The following NIPAL3 variants were observed in gnomAD, a reference collection of about 807,000 sequenced individuals.
NIPAL3 encodes NIPA like domain containing 3.
NIPAL3 carries 41 observed loss-of-function variants against 47.2 expected under a neutral mutation model. That is an observed-to-expected ratio of 0.87 (90% CI 0.68 to 1.13). The LOEUF (loss-of-function observed/expected upper bound fraction) is 1.13. Among genes scored for constraint, NIPAL3 ranks in the 50% most tolerant of loss-of-function variants. NIPAL3 has a pLI of 0.00. For missense variants in NIPAL3, 449 were observed against 530.1 expected (o/e 0.85, Z 1.50); for synonymous variants, 194 against 209.6 (o/e 0.93, Z 0.64).
chr1:24,436,299 G>GT (rs773888855), intron 2 of NIPAL3, among the ~76,000 whole-genome samples: 77 of 147,770 alleles, frequency 5.2e-4, no homozygotes, highest in South Asian at 1.5e-3. Context: ...TGGGGCTTTT[G>GT]TTTTTTTTTT....
chr1:24,438,254 G>A (rs138075061), intron 2 of NIPAL3, among the ~76,000 whole-genome samples: 2,389 of 152,302 alleles, frequency 0.016, 28 homozygotes, highest in Non-Finnish European at 0.023. Flanking sequence ...GCTGCTCATC[G>A]GGTGAGTCAG....
At chr1:24,430,309 G>C (rs1644822862) in intron 2 of NIPAL3, among the ~76,000 whole-genome samples, 1 of 125,096 alleles carries the variant, frequency 8.0e-6, no homozygotes, top group African/African-American at 3.6e-5. Context: ...GGAGTGCAAT[G>C]GCGCGATCTC....
chr1:24,447,243 T>C (rs1350715188), intron 5 of NIPAL3, among the ~76,000 whole-genome samples: 2 of 152,192 alleles, frequency 1.3e-5, no homozygotes, highest in African/African-American at 2.4e-5. Flanking sequence ...TGTATACTGA[T>C]GCCTGCAAAT....
At position 24,454,237 on chromosome 1, in the gene NIPAL3, A is replaced by G. The variant is rs1370356921; in HGVS notation, c.637+733A>G. On this transcript the variant is annotated intron_variant, in intron 7 of 11. Coordinates refer to ENST00000374399, the MANE Select transcript of NIPAL3 (RefSeq NM_020448.5). This position sits in a 1 kb window ranked among gnomAD's most constrained non-coding sequence, Gnocchi z 4.1. ...AGCTAAATAGAGCTGTGGGGAATCC[A>G]TCCTTCCTGAGGAGAAGCAGACAGA... 1 of 1,180,120 alleles carries G rather than the reference A, an allele frequency of 8.5e-7. No homozygotes were observed. The highest frequency in any genetic ancestry group is 1.1e-6 in the Non-Finnish European group (1 of 939,692). The allele number at this position is 1,180,120 out of a possible 1,614,324, so 73.1% of individuals were successfully genotyped here.
At position 24,471,600 on chromosome 1, in the gene NIPAL3, AT is replaced by A. The variant is rs1646907325; in HGVS notation, c.*2416del. 6 of 150,572 alleles carry A rather than the reference AT, an allele frequency of 4.0e-5. No individual in the cohort carries two copies. Among genetic ancestry groups the A allele is most frequent in the Non-Finnish European group, 7.4e-5 (5 of 67,802 alleles). The allele number at this position is 150,572 out of a possible 1,614,324, so 9.3% of individuals were successfully genotyped here. A position where few individuals can be genotyped will look rare whatever the true frequency, so the allele number is the denominator to read the frequency against. On this transcript the variant is annotated 3_prime_UTR_variant, in exon 12 of 12. Coordinates refer to ENST00000374399, the MANE Select transcript of NIPAL3 (RefSeq NM_020448.5). ...GCTCAAAAAAAAAAAAAAAAAAAAG[AT>A]AAGCAGTGGAGGCCGAATCATGGAG...
chr1:24,454,565 G>T lies in NIPAL3; in HGVS notation c.637+1061G>T. Reference sequence around the variant, plus strand: ...CTTAATTTTTTAACAGCTCTGTTGAGATATAATTTACATACCATAAAGTTC... The same window carrying T: ...CTTAATTTTTTAACAGCTCTGTTGATATATAATTTACATACCATAAAGTTC... On this transcript the variant is annotated intron_variant, in intron 7 of 11. Transcript: ENST00000374399. This position sits in a 1 kb window ranked among gnomAD's most constrained non-coding sequence, Gnocchi z 4.1. 1 of 984,384 alleles carries T rather than the reference G, an allele frequency of 1.0e-6. No homozygotes were observed. The highest frequency in any genetic ancestry group is 1.2e-6 in the Non-Finnish European group (1 of 828,376). 61.0% of individuals were successfully genotyped at this position (984,384 alleles called of 1,614,324 possible).
Position 24,437,066 on chromosome 1 carries a change from A to G in NIPAL3, c.94-3106A>G, listed in dbSNP as rs189478858. Among the ~76,000 whole-genome samples the G allele has an allele frequency of 1.8e-3, 278 of 152,136 alleles. 2 individuals are homozygous for G. The highest frequency in any genetic ancestry group is 3.4e-3 in the Middle Eastern group (1 of 294). On this transcript the variant is annotated intron_variant, in intron 2 of 11. Transcript: ENST00000374399. ...GGAGATTGAGACCATCCTGGATAAC[A>G]CGGTGAAACCCACCTCTCTACTAAA...
intron 2 of NIPAL3, among the ~76,000 whole-genome samples, chr1:24,423,020 C>A (rs1398568888): frequency 6.6e-6 from 1 of 152,228 alleles, no homozygotes; most frequent in East Asian, 1.9e-4. Context: ...TCTCCTTGTG[C>A]CCCTGCTAGT....
At chr1:24,450,601 C>T (rs1001011701) in intron 6 of NIPAL3, among the ~76,000 whole-genome samples, 3 of 152,302 alleles carry the variant, frequency 2.0e-5, no homozygotes, top group Admixed American at 6.5e-5. Flanking sequence ...TATGTATCAT[C>T]TCAGATTCTC....
intron 10 of NIPAL3, among the ~76,000 whole-genome samples, chr1:24,461,112 G>C (rs1557533625): frequency 6.6e-6 from 1 of 152,182 alleles, no homozygotes; most frequent in African/African-American, 2.4e-5. Context: ...GAAAACAATA[G>C]AAATGCTCAG....
At chr1:24,457,052 A>T (rs1646247865) in intron 8 of NIPAL3, among the ~76,000 whole-genome samples, 1 of 152,124 alleles carries the variant, frequency 6.6e-6, no homozygotes, top group African/African-American at 2.4e-5. Context: ...ATGAGCCACA[A>T]CACCTGGCCA....
intron 4 of NIPAL3, 83 bp downstream of exon 4, chr1:24,442,309 A>G (rs1645435885): frequency 2.7e-6 from 4 of 1,480,020 alleles, no homozygotes; most frequent in East Asian, 2.3e-5. Context: ...AAAGGTGCCC[A>G]TTGAACAAAC....
At chr1:24,442,776 C>A (rs570264082) in intron 4 of NIPAL3, among the ~76,000 whole-genome samples, 2 of 152,118 alleles carry the variant, frequency 1.3e-5, no homozygotes, top group Non-Finnish European at 2.9e-5. Flanking sequence ...CATGGAGAGA[C>A]CCCATCTCTA....
At chr1:24,442,251 C>T in intron 4 of NIPAL3, 25 bp downstream of exon 4, 2 of 1,606,750 alleles carry the variant, frequency 1.2e-6, no homozygotes, top group Non-Finnish European at 8.5e-7. Flanking sequence ...GCCCCACCCT[C>T]CCCTGGGGTG....
At chr1:24,432,574 T>C (rs1644925577) in intron 2 of NIPAL3, among the ~76,000 whole-genome samples, 1 of 152,218 alleles carries the variant, frequency 6.6e-6, no homozygotes, top group Non-Finnish European at 1.5e-5. Flanking sequence ...TATTATATAG[T>C]TTGACATAAT....
chr1:24,431,547 A>G (rs1186660383), intron 2 of NIPAL3, among the ~76,000 whole-genome samples: 1 of 152,164 alleles, frequency 6.6e-6, no homozygotes, highest in African/African-American at 2.4e-5. Context: ...ATGACCTTTA[A>G]GTGTTCAAGT....
At chr1:24,438,530 C>T (rs755789394) in intron 2 of NIPAL3, among the ~76,000 whole-genome samples, 28 of 152,202 alleles carry the variant, frequency 1.8e-4, no homozygotes, top group Non-Finnish European at 2.5e-4. Flanking sequence ...CTCTAAGCCC[C>T]GCGATCTAGG....
intron 4 of NIPAL3, among the ~76,000 whole-genome samples, chr1:24,444,229 G>A (rs1401373225): frequency 6.6e-6 from 1 of 152,114 alleles, no homozygotes; most frequent in Non-Finnish European, 1.5e-5. Flanking sequence ...GATTGACTGT[G>A]TGCCAAATGA....
chr1:24,442,336 A>G, intron 4 of NIPAL3, 110 bp downstream of exon 4: 1 of 1,203,284 alleles, frequency 8.3e-7, no homozygotes, highest in Non-Finnish European at 1.2e-6. Context: ...TAGCTTGGAT[A>G]ATAATAGCCT....
Sources: gnomAD v4.1 joint callset for allele counts (sites outside exome capture counted in the v4.1 genomes callset) on GRCh38, gnomAD v4.1.1 for gene constraint, Gnocchi (gnomAD v3.1) non-coding constraint, MANE v1.5 for transcripts, NCBI Gene and HGNC (gene_info 2026-07-23, HGNC 2026-07-21) for gene names.